SLC24A2: variants seen among roughly 807,000 people sequenced by gnomAD.
The protein encoded by SLC24A2 is sodium/potassium/calcium exchanger 2.
In SLC24A2, 36 loss-of-function variants were observed where a neutral mutation model predicts 62.0. That is an observed-to-expected ratio of 0.58 (90% CI 0.44 to 0.77). The LOEUF (loss-of-function observed/expected upper bound fraction) is 0.77. Ranked by LOEUF, SLC24A2 falls within the 30% of genes least tolerant of loss-of-function variation. The pLI is 0.00. For missense variants in SLC24A2, 846 were observed against 817.9 expected (o/e 1.03, Z -0.42); for synonymous variants, 358 against 294.0 (o/e 1.22, Z -2.23).
intron 8 of SLC24A2, among the ~76,000 whole-genome samples, chr9:19,534,719 T>G (rs977840467): frequency 1.2e-4 from 18 of 152,216 alleles, no homozygotes; most frequent in Non-Finnish European, 8.8e-5. Flanking sequence ...TAATACTCCA[T>G]GGTGTATATG....
At chr9:20,028,373 C>T in the SLC24A2 span, among the ~76,000 whole-genome samples, 1 of 152,176 alleles carries the variant, frequency 6.6e-6, no homozygotes, top group African/African-American at 2.4e-5. Flanking sequence ...GGGTTCAATA[C>T]TTTTAACCTT....
the SLC24A2 span, among the ~76,000 whole-genome samples, chr9:20,001,257 G>C: frequency 6.6e-6 from 1 of 152,178 alleles, no homozygotes; most frequent in African/African-American, 2.4e-5. Context: ...CCACCTTCCT[G>C]CAAAGCTGCA....
At chr9:19,630,414 CTTT>C in intron 2 of SLC24A2, among the ~76,000 whole-genome samples, 1 of 152,110 alleles carries the variant, frequency 6.6e-6, no homozygotes, top group South Asian at 2.1e-4. Context: ...TTTTGCCAAT[CTTT>C]TATTTTAAAA....
chr9:20,034,907 T>G, the SLC24A2 span, among the ~76,000 whole-genome samples: 1 of 152,292 alleles, frequency 6.6e-6, no homozygotes, highest in East Asian at 1.9e-4. Flanking sequence ...TTGGTGAACG[T>G]GCATGTTTGA....
the SLC24A2 span, among the ~76,000 whole-genome samples, chr9:20,112,755 G>A: frequency 6.6e-6 from 1 of 152,018 alleles, no homozygotes; most frequent in Non-Finnish European, 1.5e-5. Flanking sequence ...TGGCTTGTCT[G>A]AAGGCGAATC....
intron 2 of SLC24A2, among the ~76,000 whole-genome samples, chr9:19,750,937 T>G (rs1343037613): frequency 6.6e-6 from 1 of 152,166 alleles, no homozygotes. Flanking sequence ...CCTGCTCTAG[T>G]GTTAGACCGG....
chr9:19,533,559 G>C (rs1467580009), intron 8 of SLC24A2, among the ~76,000 whole-genome samples: 1 of 152,198 alleles, frequency 6.6e-6, no homozygotes, highest in Non-Finnish European at 1.5e-5. Flanking sequence ...TCGGCACTTT[G>C]CCATTATGTG....
chr9:20,065,774 C>A, the SLC24A2 span, among the ~76,000 whole-genome samples: 2 of 152,104 alleles, frequency 1.3e-5, no homozygotes, highest in African/African-American at 2.4e-5. Flanking sequence ...AACCCCTGTT[C>A]CTTTTTATTA....
At chr9:20,030,016 G>A in the SLC24A2 span, among the ~76,000 whole-genome samples, 18 of 152,310 alleles carry the variant, frequency 1.2e-4, 1 homozygote, top group East Asian at 2.5e-3. Flanking sequence ...TGACATTGGA[G>A]GTGAACTTTG....
chr9:20,004,478 T>C, the SLC24A2 span, among the ~76,000 whole-genome samples: 1 of 152,192 alleles, frequency 6.6e-6, no homozygotes, highest in African/African-American at 2.4e-5. Context: ...CATGAATCCA[T>C]CCAGTTAATA....
the SLC24A2 span, among the ~76,000 whole-genome samples, chr9:19,895,285 C>T: frequency 6.7e-6 from 1 of 150,298 alleles, no homozygotes; most frequent in Admixed American, 6.7e-5. Context: ...AACACTATTA[C>T]ATCAAACTGC....
the SLC24A2 span, among the ~76,000 whole-genome samples, chr9:20,110,344 T>A: frequency 1.4e-4 from 21 of 152,192 alleles, no homozygotes; most frequent in African/African-American, 5.1e-4. Context: ...TGTTAGGAAT[T>A]CAAGAAAATC....
At chr9:20,111,905 T>G in the SLC24A2 span, among the ~76,000 whole-genome samples, 1 of 152,184 alleles carries the variant, frequency 6.6e-6, no homozygotes, top group Admixed American at 6.6e-5. Flanking sequence ...GAATCTTGTG[T>G]AAAGATTTGT....
the SLC24A2 span, among the ~76,000 whole-genome samples, chr9:19,874,252 G>GT: frequency 1.3e-3 from 198 of 151,386 alleles, 4 homozygotes; most frequent in Non-Finnish European, 4.7e-4. Flanking sequence ...GCTAATTTTT[G>GT]TTTTTTTAGT....
the SLC24A2 span, among the ~76,000 whole-genome samples, chr9:20,115,594 C>T: frequency 1.2e-4 from 19 of 152,204 alleles, no homozygotes; most frequent in African/African-American, 3.4e-4. Context: ...CCAATGAACA[C>T]GTCAAACTTG....
intron 5 of SLC24A2, among the ~76,000 whole-genome samples, chr9:19,596,440 G>A (rs906570823): frequency 6.6e-6 from 1 of 152,084 alleles, no homozygotes; most frequent in Non-Finnish European, 1.5e-5. Flanking sequence ...TGAAATAGGG[G>A]TTAAGGCAAT....
the SLC24A2 span, among the ~76,000 whole-genome samples, chr9:20,041,298 T>C: frequency 6.6e-6 from 1 of 152,236 alleles, no homozygotes; most frequent in Admixed American, 6.5e-5. Context: ...TGCAAAATAA[T>C]TACTTCTTCC....
At chr9:20,008,717 T>C in the SLC24A2 span, among the ~76,000 whole-genome samples, 19 of 152,258 alleles carry the variant, frequency 1.2e-4, no homozygotes, top group Admixed American at 1.2e-3. Context: ...AGACTCTATA[T>C]TCACTCATGC....
chr9:19,831,419 C>T, the SLC24A2 span, among the ~76,000 whole-genome samples: 4 of 152,166 alleles, frequency 2.6e-5, no homozygotes, highest in Non-Finnish European at 5.9e-5. Context: ...ATCCTTTCCA[C>T]ATGAAATACC....
Sources: gnomAD v4.1 joint callset for allele counts (sites outside exome capture counted in the v4.1 genomes callset) on GRCh38, gnomAD v4.1.1 for gene constraint, MANE v1.5 for transcripts, NCBI Gene and HGNC (gene_info 2026-07-23, HGNC 2026-07-21) for gene names.